The following MBD5 variants were observed in gnomAD, a reference collection of about 807,000 sequenced individuals.
MBD5 encodes the protein methyl-CpG-binding domain protein 5.
In MBD5, 13 loss-of-function variants were observed where a neutral mutation model predicts 117.3. That is an observed-to-expected ratio of 0.11 (90% CI 0.07 to 0.18). The LOEUF (loss-of-function observed/expected upper bound fraction) is 0.18, where lower values mean the gene tolerates loss of function less well. Among genes scored for constraint, MBD5 ranks in the 10% least tolerant of loss-of-function variants. The pLI is 1.00. For synonymous variants in MBD5, 727 were observed against 766.4 expected (o/e 0.95, Z 0.85); for missense variants, 1,879 against 2,093.8 (o/e 0.90, Z 2.00).
intron 1 of MBD5, among the ~76,000 whole-genome samples, chr2:148,100,510 A>T (rs774800307): frequency 5.3e-5 from 8 of 152,136 alleles, no homozygotes; most frequent in Admixed American, 4.6e-4. Context: ...CACAGTAGGG[A>T]TGGCTTTGTC....
At chr2:148,045,937 C>T (rs1694513216) in intron 1 of MBD5, among the ~76,000 whole-genome samples, 1 of 150,488 alleles carries the variant, frequency 6.6e-6, no homozygotes, top group African/African-American at 2.4e-5. Flanking sequence ...AAACAGTTCA[C>T]CAAGGGCTTG....
intron 4 of MBD5, among the ~76,000 whole-genome samples, chr2:148,413,431 T>C (rs1179597919): frequency 2.0e-5 from 3 of 151,998 alleles, no homozygotes; most frequent in Non-Finnish European, 2.9e-5. Context: ...TTTCTTTTTT[T>C]GTTGTGTCTG....
Position 148,513,100 on chromosome 2 carries a change from T to C in MBD5, c.*159T>C. The C allele has an allele frequency of 2.7e-6, 2 of 727,648 alleles. No individual in the cohort carries two copies. The highest frequency in any genetic ancestry group is 4.6e-6 in the Non-Finnish European group (2 of 432,706). The allele number at this position is 727,648 out of a possible 1,614,324, so 45.1% of individuals were successfully genotyped here. ...TAAAAGAAACAGTGATACAAAATTTTTTTGATCAGGAAGGATAATGAATGC... is the reference window on the plus strand; with the variant it reads ...TAAAAGAAACAGTGATACAAAATTTCTTTGATCAGGAAGGATAATGAATGC... On this transcript the variant is annotated 3_prime_UTR_variant, in exon 14 of 14. Transcript: ENST00000642680.
chr2:148,156,479 T>C (rs1375931135), intron 1 of MBD5, among the ~76,000 whole-genome samples: 2 of 152,250 alleles, frequency 1.3e-5, no homozygotes, highest in Non-Finnish European at 2.9e-5. Context: ...AGATATCATC[T>C]TCTGTAAGAA....
At chr2:148,428,039 G>A (rs1705861228) in intron 4 of MBD5, among the ~76,000 whole-genome samples, 1 of 152,138 alleles carries the variant, frequency 6.6e-6, no homozygotes, top group Admixed American at 6.6e-5. Context: ...TGAATAGGAA[G>A]AGAGGAAGTC....
chr2:148,381,741 C>T (rs1704149969), intron 4 of MBD5, among the ~76,000 whole-genome samples: 1 of 152,186 alleles, frequency 6.6e-6, no homozygotes, highest in African/African-American at 2.4e-5. Context: ...GGAAGCCCAT[C>T]ACACTAACAG....
chr2:148,042,100 T>C (rs752720108), intron 1 of MBD5, among the ~76,000 whole-genome samples: 30 of 152,228 alleles, frequency 2.0e-4, no homozygotes, highest in Non-Finnish European at 3.4e-4. Flanking sequence ...AAAGTACTTA[T>C]AACCTACCAA....
intron 3 of MBD5, among the ~76,000 whole-genome samples, chr2:148,330,252 T>G (rs1046915791): frequency 2.0e-5 from 3 of 152,088 alleles, no homozygotes; most frequent in Non-Finnish European, 4.4e-5. Context: ...CTGACAGTTT[T>G]GAGCATCATT....
intron 3 of MBD5, among the ~76,000 whole-genome samples, chr2:148,259,899 G>T (rs1055091046): frequency 2.6e-5 from 4 of 152,124 alleles, no homozygotes; most frequent in African/African-American, 9.7e-5. Flanking sequence ...TAAATACCTT[G>T]ATTTAAAAAT....
At chr2:148,085,398 G>C (rs1695750987) in intron 1 of MBD5, among the ~76,000 whole-genome samples, 1 of 152,082 alleles carries the variant, frequency 6.6e-6, no homozygotes, top group African/African-American at 2.4e-5. Context: ...AGGAATCCTT[G>C]GGCACCAGAG....
intron 12 of MBD5, among the ~76,000 whole-genome samples, chr2:148,504,192 A>G (rs895250757): frequency 6.6e-6 from 1 of 152,260 alleles, no homozygotes; most frequent in African/African-American, 2.4e-5. Context: ...CATGATAACC[A>G]TAAACTTAAA....
At chr2:148,445,744 G>A (rs1159489251) in intron 4 of MBD5, among the ~76,000 whole-genome samples, 1 of 151,424 alleles carries the variant, frequency 6.6e-6, no homozygotes, top group South Asian at 2.1e-4. Context: ...CTAGTTTACA[G>A]TCCCACCAAC....
intron 4 of MBD5, among the ~76,000 whole-genome samples, chr2:148,385,448 A>T (rs1003982411): frequency 2.1e-4 from 32 of 152,184 alleles, no homozygotes; most frequent in African/African-American, 7.2e-4. Flanking sequence ...ATCATTAAAA[A>T]GTCAGGAAAC....
intron 1 of MBD5, among the ~76,000 whole-genome samples, chr2:148,038,759 T>A (rs1694271185): frequency 6.6e-6 from 1 of 151,988 alleles, no homozygotes. Context: ...GTTAGGTGAT[T>A]TTATCTTACT....
intron 2 of MBD5, among the ~76,000 whole-genome samples, chr2:148,214,867 C>T (rs1699513168): frequency 6.6e-6 from 1 of 152,168 alleles, no homozygotes; most frequent in African/African-American, 2.4e-5. Flanking sequence ...TCCATTTTCT[C>T]ACCTGCCCAT....
intron 4 of MBD5, among the ~76,000 whole-genome samples, chr2:148,377,940 T>C (rs1308576441): frequency 6.6e-6 from 1 of 152,152 alleles, no homozygotes; most frequent in Non-Finnish European, 1.5e-5. Flanking sequence ...TGGGAGCAAA[T>C]GAAATAAAAG....
intron 3 of MBD5, among the ~76,000 whole-genome samples, chr2:148,322,381 C>A (rs1282938198): frequency 1.3e-5 from 2 of 152,134 alleles, no homozygotes; most frequent in Non-Finnish European, 2.9e-5. Context: ...TTTCATTTTT[C>A]TATTTCCTAT....
chr2:148,027,149 G>GTGTA (rs1049821406), intron 1 of MBD5: 1 of 151,952 alleles, frequency 6.6e-6, no homozygotes, highest in African/African-American at 2.4e-5. Flanking sequence ...TTGTGCTTTG[G>GTGTA]TGTATGTATA....
At position 148,436,654 on chromosome 2, in the gene MBD5, G is replaced by T. The variant is rs534113299; in HGVS notation, c.-556-21549G>T. The stretch of plus-strand genomic sequence containing the variant: ...CCCAAAGTGCTGAGATTACAGGCGT[G>T]AGCCACCACGCTTGGCCCTTGCTTT... On this transcript the variant is annotated intron_variant, in intron 4 of 13. Coordinates refer to ENST00000642680, the MANE Select transcript of MBD5 (RefSeq NM_001378120.1). Among the ~76,000 whole-genome samples the T allele has an allele frequency of 1.4e-4, 21 of 152,274 alleles. No homozygotes were observed. In the South Asian group the frequency reaches 4.4e-3, roughly 32 times the overall value.
Sources: gnomAD v4.1 joint callset for allele counts (sites outside exome capture counted in the v4.1 genomes callset) on GRCh38, gnomAD v4.1.1 for gene constraint, MANE v1.5 for transcripts, NCBI Gene and HGNC (gene_info 2026-07-23, HGNC 2026-07-21) for gene names.